Variants in ADAMTSL1 observed in about 807,000 individuals in gnomAD.
ADAMTSL1 encodes the protein ADAMTS like 1, also known as ADAMTS-like protein 1.
In ADAMTSL1, 126 loss-of-function variants were observed where a neutral mutation model predicts 201.8. The ratio of observed to expected loss-of-function variants is 0.62; its 90% CI spans 0.54 to 0.72. The LOEUF (loss-of-function observed/expected upper bound fraction) is 0.72. ADAMTSL1 is among the 30% of genes least tolerant of loss of function. The probability of loss-of-function intolerance (pLI) is 0.00; values close to 1 mark genes in which losing one functional copy is unlikely to be tolerated. For missense variants in ADAMTSL1, 2,679 were observed against 2,277.8 expected, an observed-to-expected ratio of 1.18 and a Z score of -3.59; for synonymous variants, 1,121 against 903.4, an observed-to-expected ratio of 1.24 and a Z score of -4.32.
chr9:18,533,099 G>A (rs1276680485), intron 2 of ADAMTSL1, 148 bp from the exon 3 acceptor site: 1 of 535,360 alleles, frequency 1.9e-6, no homozygotes. Flanking sequence ...TGCTCAATTT[G>A]ATTTTTAATA....
At chr9:18,847,620 A>C (rs780971982) in intron 23 of ADAMTSL1, among the ~76,000 whole-genome samples, 1 of 151,932 alleles carries the variant, frequency 6.6e-6, no homozygotes, top group African/African-American at 2.4e-5. Context: ...GAGCAAAGAC[A>C]TGAATGTGTG....
intron 1 of ADAMTSL1, among the ~76,000 whole-genome samples, chr9:18,060,526 G>C (rs975553447): frequency 1.3e-5 from 2 of 152,162 alleles, no homozygotes; most frequent in African/African-American, 4.8e-5. Context: ...CATAAAGCCA[G>C]TTGAGTAAGC....
At chr9:18,179,815 A>C (rs978790903) in intron 2 of ADAMTSL1, among the ~76,000 whole-genome samples, 1 of 152,118 alleles carries the variant, frequency 6.6e-6, no homozygotes, top group African/African-American at 2.4e-5. Flanking sequence ...CTTTACAGAC[A>C]AGCAAATGCT....
chr9:18,209,043 A>C (rs139190840), intron 2 of ADAMTSL1, among the ~76,000 whole-genome samples: 3 of 152,228 alleles, frequency 2.0e-5, no homozygotes, highest in African/African-American at 7.2e-5. Context: ...GGAAAATATT[A>C]TTTACCATTT....
intron 1 of ADAMTSL1, among the ~76,000 whole-genome samples, chr9:17,949,080 T>G (rs1827627692): frequency 6.6e-6 from 1 of 152,202 alleles, no homozygotes; most frequent in Non-Finnish European, 1.5e-5. Flanking sequence ...AAGTATAGAA[T>G]GAAGGTACAA....
chr9:18,055,019 G>A (rs1323710182), intron 1 of ADAMTSL1, among the ~76,000 whole-genome samples: 1 of 152,096 alleles, frequency 6.6e-6, no homozygotes, highest in African/African-American at 2.4e-5. Flanking sequence ...TTCCGGAGTG[G>A]GTGGCACAGG....
At chr9:18,805,684 C>T (rs1244053805) in intron 20 of ADAMTSL1, among the ~76,000 whole-genome samples, 1 of 152,182 alleles carries the variant, frequency 6.6e-6, no homozygotes, top group Non-Finnish European at 1.5e-5. Context: ...CCTGCCCCTG[C>T]CCCTGCCCCC....
At chr9:17,912,859 C>T (rs202023845) in intron 1 of ADAMTSL1, among the ~76,000 whole-genome samples, 37 of 150,982 alleles carry the variant, frequency 2.5e-4, no homozygotes, top group South Asian at 6.4e-4. Context: ...AATTGATTTT[C>T]GTATAAGGTG....
At position 18,777,334 on chromosome 9, in the gene ADAMTSL1, C is replaced by G. The variant is rs759939236; in HGVS notation, c.3105C>G (p.Pro1035=). 11 of 1,600,938 alleles carry G rather than the reference C, an allele frequency of 6.9e-6. No homozygotes were observed. The highest frequency in any genetic ancestry group is 1.6e-4 in the Middle Eastern group (1 of 6,072). Residue 1035 remains proline (P), a synonymous_variant, in exon 19 of 29, where the codon CCC becomes CCG. Coordinates refer to ENST00000380548, the MANE Select transcript of ADAMTSL1 (RefSeq NM_001040272.6). ...GGCTGCTGGAGCAGGGCGGCTGGCC[C>G]GGAGAGCTGCTGGCCTCGTGGGAGG... ...VSRLLEQGGW[P]GELLASWEAQ... is the part of the protein sequence containing the mutation.
chr9:18,755,496 CT>C (rs1176337665), intron 16 of ADAMTSL1, among the ~76,000 whole-genome samples: 1 of 152,168 alleles, frequency 6.6e-6, no homozygotes, highest in Non-Finnish European at 1.5e-5. Flanking sequence ...GGTTATAGGT[CT>C]TAATATCGTC....
chr9:18,793,707 C>G (rs961828438), intron 19 of ADAMTSL1, among the ~76,000 whole-genome samples: 2 of 152,182 alleles, frequency 1.3e-5, no homozygotes, highest in African/African-American at 2.4e-5. Flanking sequence ...TGAGCCATTT[C>G]TGTGCTATCA....
intron 2 of ADAMTSL1, among the ~76,000 whole-genome samples, chr9:18,331,722 T>C (rs559547785): frequency 6.6e-6 from 1 of 152,314 alleles, no homozygotes; most frequent in Admixed American, 6.5e-5. Context: ...TATCTTGAAT[T>C]CTATTTGAAG....
intron 1 of ADAMTSL1, among the ~76,000 whole-genome samples, chr9:18,028,448 A>G (rs943712505): frequency 4.6e-5 from 7 of 152,114 alleles, no homozygotes; most frequent in Admixed American, 2.6e-4. Context: ...CAGGTCTCCA[A>G]TCTTTTCTGG....
intron 1 of ADAMTSL1, among the ~76,000 whole-genome samples, chr9:18,148,457 G>A (rs1026803076): frequency 6.6e-6 from 1 of 151,884 alleles, no homozygotes; most frequent in Non-Finnish European, 1.5e-5. Flanking sequence ...ATGGGAATCG[G>A]CACAACTATA....
chr9:18,043,071 C>G (rs1042683880), intron 1 of ADAMTSL1, among the ~76,000 whole-genome samples: 1 of 152,132 alleles, frequency 6.6e-6, no homozygotes, highest in African/African-American at 2.4e-5. Context: ...CGCTAGAAAA[C>G]TAAGAGGCTG....
intron 2 of ADAMTSL1, among the ~76,000 whole-genome samples, chr9:18,284,298 C>T (rs903812658): frequency 1.3e-5 from 2 of 152,228 alleles, no homozygotes; most frequent in Non-Finnish European, 1.5e-5. Context: ...GATACCACCA[C>T]AGTTGCTTTT....
intron 1 of ADAMTSL1, among the ~76,000 whole-genome samples, chr9:18,127,481 AACACACACACAC>A (rs112886805): frequency 0.052 from 7,595 of 146,238 alleles, 251 homozygotes; most frequent in Non-Finnish European, 0.078. Flanking sequence ...GCACATACAC[AACACACACACAC>A]ACACACACAC....
Position 18,777,660 on chromosome 9 carries a change from C to T in ADAMTSL1, c.3431C>T (p.Ser1144Phe). Residue 1144 changes from serine to phenylalanine, a missense_variant, in exon 19 of 29, where the codon TCC becomes TTC. By Grantham distance (155) the Ser-to-Phe change is radical. Transcript: ENST00000380548. Reference sequence around the variant, plus strand: ...AAACACGTGTCTGGCTTCAGCAGCTCCCTGCGGACCTCCTCCACCGGGGAC... The same window carrying T: ...AAACACGTGTCTGGCTTCAGCAGCTTCCTGCGGACCTCCTCCACCGGGGAC... ...PHKHVSGFSSSLRTSSTGDAG... is the reference protein window; with the variant it reads ...PHKHVSGFSSFLRTSSTGDAG... 1 of 1,613,666 alleles carries T rather than the reference C, an allele frequency of 6.2e-7. No homozygotes were observed. The highest frequency in any genetic ancestry group is 8.5e-7 in the Non-Finnish European group (1 of 1,179,840).
chr9:18,461,915 A>G (rs1313612325), intron 2 of ADAMTSL1, among the ~76,000 whole-genome samples: 1 of 152,120 alleles, frequency 6.6e-6, no homozygotes, highest in Non-Finnish European at 1.5e-5. Flanking sequence ...CTTGCCGCAT[A>G]TACTAAACTC....
Sources: gnomAD v4.1 joint callset for allele counts (sites outside exome capture counted in the v4.1 genomes callset) on GRCh38, gnomAD v4.1.1 for gene constraint, MANE v1.5 for transcripts, NCBI Gene and HGNC (gene_info 2026-07-23, HGNC 2026-07-21) for gene names.